PDE7B: variants seen among roughly 807,000 people sequenced by gnomAD.
PDE7B encodes 3',5'-cyclic-AMP phosphodiesterase 7B.
In PDE7B, 29 loss-of-function variants were observed where a neutral mutation model predicts 56.2. The ratio of observed to expected loss-of-function variants is 0.52; its 90% confidence interval spans 0.38 to 0.70. The LOEUF (loss-of-function observed/expected upper bound fraction) is 0.70. Among genes scored for constraint, PDE7B ranks in the 30% least tolerant of loss-of-function variants. PDE7B has a pLI of 0.00. For synonymous variants in PDE7B, 197 were observed against 196.9 expected, an observed-to-expected ratio of 1.00 and a Z score of 0.00; for missense variants, 490 against 565.0, an observed-to-expected ratio of 0.87 and a Z score of 1.35.
chr6:135,952,915 A>G (rs563577461), intron 2 of PDE7B, among the ~76,000 whole-genome samples: 1 of 152,178 alleles, frequency 6.6e-6, no homozygotes, highest in Admixed American at 6.5e-5. Flanking sequence ...ATTTAGTTAT[A>G]GCATATCAGA....
chr6:135,899,719 C>A (rs1775966106), intron 1 of PDE7B, among the ~76,000 whole-genome samples: 1 of 151,698 alleles, frequency 6.6e-6, no homozygotes. Flanking sequence ...TTTTGGATTT[C>A]TAATTTTGTT....
chr6:135,948,884 TAGATAGATAGATAGAC>T (rs879733795), intron 2 of PDE7B, among the ~76,000 whole-genome samples: 4,644 of 133,572 alleles, frequency 0.035, 129 homozygotes, highest in African/African-American at 0.097. Context: ...GATAGATAGA[TAGATAGATAGATAGAC>T]AGACAGACAG....
chr6:136,177,883 T>C (rs1480119681), intron 9 of PDE7B, among the ~76,000 whole-genome samples: 1 of 152,082 alleles, frequency 6.6e-6, no homozygotes, highest in Admixed American at 6.5e-5. Context: ...CCATGAAAAG[T>C]AGAATGGATA....
intron 2 of PDE7B, among the ~76,000 whole-genome samples, chr6:136,061,630 T>C (rs1246418910): frequency 6.6e-6 from 1 of 152,190 alleles, no homozygotes; most frequent in Non-Finnish European, 1.5e-5. Context: ...GCAGAGGTCA[T>C]ATGTGTCCAA....
chr6:136,013,365 T>A (rs995311180), intron 2 of PDE7B, among the ~76,000 whole-genome samples: 1 of 152,238 alleles, frequency 6.6e-6, no homozygotes. Context: ...GGTGTTCCTC[T>A]TTCTTTCCAA....
chr6:136,065,385 G>C (rs775577914), intron 2 of PDE7B, among the ~76,000 whole-genome samples: 1 of 152,106 alleles, frequency 6.6e-6, no homozygotes, highest in Non-Finnish European at 1.5e-5. Flanking sequence ...ATGATTATGA[G>C]TGTCTTGCTA....
chr6:135,858,745 T>C (rs905664887), intron 1 of PDE7B, among the ~76,000 whole-genome samples: 1 of 152,152 alleles, frequency 6.6e-6, no homozygotes, highest in African/African-American at 2.4e-5. Context: ...TTGAGATCTT[T>C]CTCCATAAAC....
chr6:136,016,141 C>G (rs565085991), intron 2 of PDE7B, among the ~76,000 whole-genome samples: 1 of 152,262 alleles, frequency 6.6e-6, no homozygotes, highest in African/African-American at 2.4e-5. Context: ...ACGGCTCCCT[C>G]TAATACGTAG....
intron 11 of PDE7B, among the ~76,000 whole-genome samples, chr6:136,186,827 G>A (rs1779152417): frequency 6.6e-6 from 1 of 152,222 alleles, no homozygotes; most frequent in African/African-American, 2.4e-5. Context: ...ATTATGAACG[G>A]TCATTGGCAC....
chr6:136,004,100 A>C (rs571325251), intron 2 of PDE7B, among the ~76,000 whole-genome samples: 1 of 152,280 alleles, frequency 6.6e-6, no homozygotes, highest in South Asian at 2.1e-4. Flanking sequence ...AAAGACAAAA[A>C]TCACATGATT....
At chr6:135,981,384 T>C (rs1275041085) in intron 2 of PDE7B, among the ~76,000 whole-genome samples, 1 of 151,712 alleles carries the variant, frequency 6.6e-6, no homozygotes, top group African/African-American at 2.4e-5. Context: ...TGTACACATA[T>C]GTAACTAACC....
intron 2 of PDE7B, among the ~76,000 whole-genome samples, chr6:136,092,256 A>G (rs1273055408): frequency 2.0e-5 from 3 of 152,220 alleles, no homozygotes. Context: ...AAATTCAAAC[A>G]TTAAAATCAT....
At position 136,023,406 on chromosome 6, in the gene PDE7B, A is replaced by G. The variant is rs545427005; in HGVS notation, c.82+75882A>G. ...CCCTGAAAAGAAGCCAGTACCTTGG[A>G]TCATTTTATCTAAAGCTTTCATGTA... is the stretch of plus-strand genomic sequence containing the variant. On this transcript the variant is annotated intron_variant, in intron 2 of 12. Transcript: ENST00000308191. Among the ~76,000 whole-genome samples the G allele has an allele frequency of 3.3e-5, 5 of 152,310 alleles. No individual in the cohort carries two copies. In the South Asian group the frequency reaches 1.0e-3, roughly 32 times the overall value.
intron 2 of PDE7B, among the ~76,000 whole-genome samples, chr6:135,970,711 A>G (rs150916748): frequency 5.5e-4 from 84 of 152,234 alleles, no homozygotes; most frequent in African/African-American, 1.7e-3. Flanking sequence ...TAGAGATCAC[A>G]TTTGCTTTTG....
At chr6:136,100,260 C>T (rs1461732206) in intron 2 of PDE7B, among the ~76,000 whole-genome samples, 1 of 152,108 alleles carries the variant, frequency 6.6e-6, no homozygotes, top group Non-Finnish European at 1.5e-5. Flanking sequence ...TATGCAGGCT[C>T]CTTGTTGGTT....
chr6:136,040,825 C>T (rs1776400354), intron 2 of PDE7B, among the ~76,000 whole-genome samples: 1 of 152,174 alleles, frequency 6.6e-6, no homozygotes, highest in Non-Finnish European at 1.5e-5. Flanking sequence ...TTGGCTCAGT[C>T]AACTGAAAAT....
At chr6:135,882,342 T>C (rs897789656) in intron 1 of PDE7B, among the ~76,000 whole-genome samples, 1 of 152,158 alleles carries the variant, frequency 6.6e-6, no homozygotes, top group Non-Finnish European at 1.5e-5. Flanking sequence ...AATAAAAAAG[T>C]CTTCAACTAA....
intron 2 of PDE7B, among the ~76,000 whole-genome samples, chr6:135,995,609 T>G (rs978062546): frequency 6.6e-6 from 1 of 152,096 alleles, no homozygotes; most frequent in Non-Finnish European, 1.5e-5. Flanking sequence ...TGTGGTGAAG[T>G]TCTTAAAAGT....
intron 2 of PDE7B, among the ~76,000 whole-genome samples, chr6:136,100,178 C>T (rs984390175): frequency 6.6e-6 from 1 of 152,140 alleles, no homozygotes; most frequent in Admixed American, 6.5e-5. Context: ...TTACTGTAGC[C>T]TTGTAGTATA....
Sources: gnomAD v4.1 joint callset for allele counts (sites outside exome capture counted in the v4.1 genomes callset) on GRCh38, gnomAD v4.1.1 for gene constraint, MANE v1.5 for transcripts, NCBI Gene and HGNC (gene_info 2026-07-23, HGNC 2026-07-21) for gene names.